Variants in PTPRD observed in about 807,000 individuals in gnomAD.
The protein encoded by PTPRD is receptor-type tyrosine-protein phosphatase delta.
In PTPRD, 34 loss-of-function variants were observed where a neutral mutation model predicts 214.5. The ratio of observed to expected loss-of-function variants is 0.16; its 90% confidence interval spans 0.12 to 0.21. The LOEUF (loss-of-function observed/expected upper bound fraction) is 0.21, where lower values mean the gene tolerates loss of function less well. PTPRD is among the 10% of genes least tolerant of loss of function. The pLI is 1.00. For synonymous variants in PTPRD, 1,128 were observed against 845.7 expected (o/e 1.33, Z -5.79); for missense variants, 2,545 against 2,398.7 (o/e 1.06, Z -1.27).
chr9:9,387,968 T>A (rs1256915962), intron 9 of PTPRD, among the ~76,000 whole-genome samples: 1 of 152,208 alleles, frequency 6.6e-6, no homozygotes, highest in Non-Finnish European at 1.5e-5. Flanking sequence ...CCAGCTTAAT[T>A]AGACCCCCCT....
At chr9:10,053,221 T>TGCAG (rs2097565325) in intron 3 of PTPRD, among the ~76,000 whole-genome samples, 1 of 152,136 alleles carries the variant, frequency 6.6e-6, no homozygotes, top group Admixed American at 6.6e-5. Flanking sequence ...TGACCTGACT[T>TGCAG]TTAAGTGTAC....
intron 11 of PTPRD, among the ~76,000 whole-genome samples, chr9:8,891,183 G>A (rs1451237809): frequency 7.6e-6 from 1 of 132,434 alleles, no homozygotes; most frequent in African/African-American, 2.9e-5. Flanking sequence ...ACCCAGGCTG[G>A]AGTGCAGTGG....
chr9:8,836,433 C>T (rs2097423664), intron 11 of PTPRD, among the ~76,000 whole-genome samples: 1 of 152,008 alleles, frequency 6.6e-6, no homozygotes, highest in African/African-American at 2.4e-5. Flanking sequence ...AAGTTTTTAA[C>T]ATTAGGACAT....
intron 5 of PTPRD, among the ~76,000 whole-genome samples, chr9:9,851,955 C>T (rs542899081): frequency 6.6e-6 from 1 of 152,230 alleles, no homozygotes; most frequent in South Asian, 2.1e-4. Flanking sequence ...AAAATGTTAA[C>T]AGACTTGCAA....
At chr9:9,393,421 G>A (rs1304157136) in intron 9 of PTPRD, among the ~76,000 whole-genome samples, 1 of 152,036 alleles carries the variant, frequency 6.6e-6, no homozygotes, top group Non-Finnish European at 1.5e-5. Flanking sequence ...AAGGATATAT[G>A]GACAGCCATT....
intron 10 of PTPRD, among the ~76,000 whole-genome samples, chr9:9,033,355 T>TGAG (rs2099611619): frequency 6.6e-6 from 1 of 152,058 alleles, no homozygotes; most frequent in African/African-American, 2.4e-5. Flanking sequence ...GCCCAAGACA[T>TGAG]GAGGAAAGTT....
chr9:10,547,906 A>T (rs976438483), intron 2 of PTPRD, among the ~76,000 whole-genome samples: 33 of 152,226 alleles, frequency 2.2e-4, no homozygotes, highest in African/African-American at 7.7e-4. Context: ...ATAGAGATGT[A>T]GTTGCATGGT....
At chr9:8,585,678 T>C (rs1308608823) in intron 14 of PTPRD, among the ~76,000 whole-genome samples, 1 of 152,242 alleles carries the variant, frequency 6.6e-6, no homozygotes, top group Non-Finnish European at 1.5e-5. Context: ...TATTTATTTA[T>C]ATATTCTGGT....
chr9:8,526,657 T>C lies in PTPRD; in HGVS notation c.551-13A>G, dbSNP rs1222773272. 6.4e-7 allele frequency: 1 copy of C among 1,571,440 alleles called. No individual in the cohort carries two copies. The highest frequency in any genetic ancestry group is 8.7e-7 in the Non-Finnish European group (1 of 1,155,432). ...ATTGGTGTACCACCTGGGTGGATAATATGAATGCAAATAAGATTAGAAAGA... is the reference window on the plus strand; with the variant it reads ...ATTGGTGTACCACCTGGGTGGATAACATGAATGCAAATAAGATTAGAAAGA... On this transcript the variant is annotated splice_polypyrimidine_tract_variant and intron_variant, in intron 16 of 45. Coordinates refer to ENST00000381196, the MANE Select transcript of PTPRD (RefSeq NM_002839.4).
intron 10 of PTPRD, among the ~76,000 whole-genome samples, chr9:9,046,646 G>T (rs554871414): frequency 6.6e-6 from 1 of 152,196 alleles, no homozygotes; most frequent in Admixed American, 6.6e-5. Flanking sequence ...TTTTATTAAA[G>T]GAATAGATAG....
intron 5 of PTPRD, among the ~76,000 whole-genome samples, chr9:9,898,968 T>C (rs1353159653): frequency 2.0e-5 from 3 of 152,108 alleles, no homozygotes; most frequent in Non-Finnish European, 4.4e-5. Flanking sequence ...CATGGATTCA[T>C]GATTATCTAC....
At chr9:8,524,386 A>G (rs2097958846) in intron 18 of PTPRD, among the ~76,000 whole-genome samples, 2 of 152,218 alleles carry the variant, frequency 1.3e-5, no homozygotes, top group Admixed American at 6.5e-5. Context: ...CTATGTGTTT[A>G]TAATTAAGAA....
intron 7 of PTPRD, among the ~76,000 whole-genome samples, chr9:9,704,195 C>T (rs1185153204): frequency 6.6e-6 from 1 of 152,116 alleles, no homozygotes; most frequent in Non-Finnish European, 1.5e-5. Context: ...TACAGCACAT[C>T]TACATACATT....
At chr9:8,780,141 A>G (rs1336855503) in intron 11 of PTPRD, among the ~76,000 whole-genome samples, 1 of 152,148 alleles carries the variant, frequency 6.6e-6, no homozygotes, top group East Asian at 1.9e-4. Context: ...AAAAGGAAAT[A>G]AAACGACTCT....
At chr9:9,819,913 G>A (rs1022310993) in intron 5 of PTPRD, among the ~76,000 whole-genome samples, 14 of 152,162 alleles carry the variant, frequency 9.2e-5, no homozygotes, top group African/African-American at 2.9e-4. Flanking sequence ...CACATAGATT[G>A]ATTCCATATC....
At position 9,352,341 on chromosome 9, in the gene PTPRD, GTGTGTGTGTGTGTATATA is replaced by G. The variant is rs762401222; in HGVS notation, c.-203+45090_-203+45107del. Reference sequence around the variant, plus strand: ...TATATATATATATGTGTGTGTGTGTGTGTGTGTGTGTGTATATATGTGTGTGTGTGTATATATATATAT... The same window carrying G: ...TATATATATATATGTGTGTGTGTGTGTGTGTGTGTGTGTATATATATATAT... On this transcript the variant is annotated intron_variant, in intron 9 of 45. Transcript: ENST00000381196. Among the ~76,000 whole-genome samples, 595 of 146,106 alleles carry G rather than the reference GTGTGTGTGTGTGTATATA, an allele frequency of 4.1e-3. 5 individuals are homozygous for G. Among genetic ancestry groups the G allele is most frequent in the Admixed American group, 7.4e-3 (106 of 14,336 alleles).
chr9:9,136,269 T>C (rs192099615), intron 10 of PTPRD, among the ~76,000 whole-genome samples: 1 of 140,866 alleles, frequency 7.1e-6, no homozygotes, highest in Non-Finnish European at 1.5e-5. Flanking sequence ...CTAATTAACA[T>C]CTTTTGGTCA....
At chr9:8,527,405 T>C in intron 15 of PTPRD, 52 bp from the exon 16 acceptor site, 2 of 1,536,728 alleles carry the variant, frequency 1.3e-6, no homozygotes, top group Non-Finnish European at 8.9e-7. Flanking sequence ...TATTATTATA[T>C]TCCTTATAAT....
intron 2 of PTPRD, among the ~76,000 whole-genome samples, chr9:10,473,417 C>A (rs767418530): frequency 2.0e-5 from 3 of 152,050 alleles, no homozygotes; most frequent in Non-Finnish European, 2.9e-5. Flanking sequence ...TATCTCAGTG[C>A]TATTAATTGA....
Sources: gnomAD v4.1 joint callset for allele counts (sites outside exome capture counted in the v4.1 genomes callset) on GRCh38, gnomAD v4.1.1 for gene constraint, MANE v1.5 for transcripts, NCBI Gene and HGNC (gene_info 2026-07-23, HGNC 2026-07-21) for gene names.